CPB1: variants seen among roughly 807,000 people sequenced by gnomAD.
The protein encoded by CPB1 is carboxypeptidase B.
A neutral mutation model predicts 51.4 loss-of-function variants in CPB1; 53 were observed. The ratio of observed to expected loss-of-function variants is 1.03; its 90% CI spans 0.83 to 1.30. CPB1 has a LOEUF of 1.30. Ranked by LOEUF, CPB1 falls within the 50% of genes most tolerant of loss-of-function variation. The probability of loss-of-function intolerance (pLI) is 0.00; values close to 1 mark genes in which losing one functional copy is unlikely to be tolerated. For synonymous variants in CPB1, 189 were observed against 186.9 expected (o/e 1.01, Z -0.09); for missense variants, 494 against 516.2 (o/e 0.96, Z 0.42).
At position 148,839,478 on chromosome 3, in the gene CPB1, T is replaced by C. The variant is rs1332049255; in HGVS notation, c.273-1208T>C. Among the ~76,000 whole-genome samples the C allele has an allele frequency of 4.4e-4, 67 of 152,338 alleles. 1 individual carries two copies. The highest frequency in any genetic ancestry group is 4.4e-3 in the Admixed American group (67 of 15,308). Reference sequence around the variant, plus strand: ...ATTGGCAGCTGCTCAATAGAAAATATTTCTCCATGGAATAACTTTTAAAAT... The same window carrying C: ...ATTGGCAGCTGCTCAATAGAAAATACTTCTCCATGGAATAACTTTTAAAAT... On this transcript the variant is annotated intron_variant, in intron 3 of 10. Transcript: ENST00000282957.
Position 148,860,057 on chromosome 3 carries a change from C to A in CPB1, c.*55C>A. The A allele has an allele frequency of 6.5e-7, 1 of 1,544,790 alleles. No individual in the cohort carries two copies. The highest frequency in any genetic ancestry group is 8.8e-7 in the Non-Finnish European group (1 of 1,134,664). ...TTCTCATTTTTCATTTCTTTTCTTT[C>A]TTGAATTCTTATTTTGGTTTGCCTG... On this transcript the variant is annotated 3_prime_UTR_variant, in exon 11 of 11. Transcript: ENST00000282957.
intron 7 of CPB1, 23 bp from the exon 8 acceptor site, chr3:148,844,654 C>G: frequency 1.2e-6 from 2 of 1,613,160 alleles, no homozygotes; most frequent in South Asian, 2.2e-5. Context: ...TATATTTGTC[C>G]TAACTATGTA....
At chr3:148,836,262 G>C (rs1266962040) in intron 3 of CPB1, among the ~76,000 whole-genome samples, 1 of 151,842 alleles carries the variant, frequency 6.6e-6, no homozygotes, top group African/African-American at 2.4e-5. Flanking sequence ...GTCAAAATGT[G>C]ACCTTAAGAA....
In CPB1 at chr3:148,841,883, GA is replaced by G; in HGVS notation, c.536del (p.Glu179GlyfsTer12). On this transcript the variant is annotated frameshift_variant, in exon 6 of 11. Coordinates refer to ENST00000282957, the MANE Select transcript of CPB1 (RefSeq NM_001871.3). LOFTEE classifies it high-confidence loss of function. The stretch of plus-strand genomic sequence containing the variant: ...CATGGACTGTGGTTTCCATGCCAGA[GA>G]GTGGATTTCTCCTGCATTCTGCCAG... ...IFMDCGFHAR[E>X]WISPAFCQWF... The G allele has an allele frequency of 6.2e-7, 1 of 1,614,046 alleles. No homozygotes were observed. Among genetic ancestry groups the G allele is most frequent in the Non-Finnish European group, 8.5e-7 (1 of 1,179,922 alleles).
At chr3:148,844,849 T>TA (rs962860793) in intron 8 of CPB1, 82 bp downstream of exon 8, 5 of 1,226,878 alleles carry the variant, frequency 4.1e-6, no homozygotes, top group Non-Finnish European at 4.6e-6. Flanking sequence ...GTATCTAAAA[T>TA]AAAAAAAGCA....
intron 9 of CPB1, 77 bp downstream of exon 9, chr3:148,845,703 T>C: frequency 1.7e-6 from 2 of 1,199,032 alleles, no homozygotes; most frequent in Non-Finnish European, 2.4e-6. Context: ...AAAATCATTA[T>C]AAGAACACTT....
chr3:148,841,163 G>C (rs1713068749), intron 5 of CPB1, among the ~76,000 whole-genome samples, 188 bp downstream of exon 5: 1 of 152,082 alleles, frequency 6.6e-6, no homozygotes. Flanking sequence ...TCATTATTTT[G>C]ATTTATTCAA....
intron 5 of CPB1, among the ~76,000 whole-genome samples, chr3:148,841,256 T>G (rs1713071817): frequency 6.6e-6 from 1 of 152,236 alleles, no homozygotes. Flanking sequence ...TCTACCTTGA[T>G]GAAATTCTTC....
chr3:148,840,734 C>G lies in CPB1; in HGVS notation c.321C>G (p.Ser107Arg), dbSNP rs2108014714. The change falls in exon 4 of 11, where the codon AGC (serine) becomes AGG (arginine). Residue 107 changes from serine (S) to arginine (R), a missense_variant. Coordinates refer to ENST00000282957, the MANE Select transcript of CPB1 (RefSeq NM_001871.3). ...ATGTGGTGGAGGCTCAGTTTGATAG[C>G]CGGGTTCGTGCAACAGGACACAGTT... ...LRNVVEAQFD[S>R]RVRATGHSYE... 1 of 1,614,046 alleles carries G rather than the reference C, an allele frequency of 6.2e-7. No individual in the cohort carries two copies. The highest frequency in any genetic ancestry group is 2.2e-5 in the East Asian group (1 of 44,872).
chr3:148,834,070 A>G (rs1712820655), intron 2 of CPB1, among the ~76,000 whole-genome samples: 1 of 152,238 alleles, frequency 6.6e-6, no homozygotes, highest in Admixed American at 6.5e-5. Flanking sequence ...TCATAAAATA[A>G]GTCCATTAAA....
intron 9 of CPB1, among the ~76,000 whole-genome samples, chr3:148,848,897 G>A (rs1713334484): frequency 6.6e-6 from 1 of 152,160 alleles, no homozygotes; most frequent in African/African-American, 2.4e-5. Flanking sequence ...CACATATAAT[G>A]CTTTCCCATT....
chr3:148,846,781 A>ATG (rs1223556507), intron 9 of CPB1, among the ~76,000 whole-genome samples: 3,198 of 58,070 alleles, frequency 0.055, 312 homozygotes, highest in South Asian at 0.086. Context: ...ACACATATAT[A>ATG]TGTGTGTGTG....
chr3:148,836,974 T>C (rs1288645392), intron 3 of CPB1, among the ~76,000 whole-genome samples: 4 of 152,206 alleles, frequency 2.6e-5, no homozygotes, highest in African/African-American at 9.6e-5. Flanking sequence ...ACCTGTATTA[T>C]TTGGCAGCTT....
rs748085674 is a variant in CPB1 at position 148,845,497 on chromosome 3, G to A, written c.852G>A (p.Lys284=). 6.2e-7 allele frequency: 1 copy of A among 1,613,908 alleles called. No individual in the cohort carries two copies. The highest frequency in any genetic ancestry group is 8.5e-7 in the Non-Finnish European group (1 of 1,179,878). ...CCGCAGAGTCTGAAAAGGAGACCAA[G>A]GCCCTGGCTGATTTCATCCGCAACA... ...GPAAESEKET[K]ALADFIRNKL... Residue 284 remains lysine, a synonymous_variant, in exon 9 of 11, where the codon AAG becomes AAA. Coordinates refer to ENST00000282957, the MANE Select transcript of CPB1 (RefSeq NM_001871.3).
rs146324474 is a variant in CPB1 at position 148,844,753 on chromosome 3, A to G, written c.764A>G (p.Asp255Gly). Reference sequence around the variant, plus strand: ...GGCACAGACCCCAACAGAAATTTTGATGCTGGTTGGTGTGGTAAGTATCTG... The same window carrying G: ...GGCACAGACCCCAACAGAAATTTTGGTGCTGGTTGGTGTGGTAAGTATCTG... Reference protein sequence around the residue: ...CIGTDPNRNFDAGWCEIGASR... With the variant: ...CIGTDPNRNFGAGWCEIGASR... The change falls in exon 8 of 11, where the codon GAT (aspartate) becomes GGT (glycine). Residue 255 changes from aspartate (D) to glycine (G), a missense_variant. By Grantham distance (94) the Asp-to-Gly change is moderately conservative (BLOSUM62 -1). Coordinates refer to ENST00000282957, the MANE Select transcript of CPB1 (RefSeq NM_001871.3). 1.1e-5 allele frequency: 18 copies of G among 1,613,786 alleles called. No individual in the cohort carries two copies. The African/African-American group carries it at 2.4e-4, about 22-fold the overall frequency.
chr3:148,831,077 G>A (rs986190807), intron 2 of CPB1, among the ~76,000 whole-genome samples: 1 of 152,120 alleles, frequency 6.6e-6, no homozygotes, highest in South Asian at 2.1e-4. Flanking sequence ...GGGCAGATCC[G>A]TGACCACACT....
intron 1 of CPB1, 33 bp downstream of exon 1, chr3:148,827,927 C>T: frequency 6.2e-7 from 1 of 1,611,050 alleles, no homozygotes; most frequent in South Asian, 1.1e-5. Context: ...GCAAGTCCTT[C>T]TTCCTTGCTA....
intron 9 of CPB1, chr3:148,855,435 T>C (rs1341784419): frequency 6.6e-6 from 1 of 152,164 alleles, no homozygotes; most frequent in African/African-American, 2.4e-5. Context: ...AGAGTGTGGT[T>C]TGAGGAAAGG....
intron 10 of CPB1, among the ~76,000 whole-genome samples, chr3:148,857,807 G>A (rs544771814): frequency 3.0e-4 from 46 of 152,252 alleles, no homozygotes; most frequent in African/African-American, 1.0e-3. Context: ...GCTGAAGCGG[G>A]AGAGTCACTT....
Sources: allele counts gnomAD v4.1 joint callset (sites outside exome capture counted in the v4.1 genomes callset), GRCh38; gene constraint gnomAD v4.1.1; transcripts MANE v1.5; gene names NCBI Gene and HGNC (gene_info 2026-07-23, HGNC 2026-07-21).